SHB: variants seen among roughly 807,000 people sequenced by gnomAD.
SHB encodes the protein SH2 domain-containing adapter protein B.
SHB carries 20 observed loss-of-function variants against 52.3 expected under a neutral mutation model. The observed-to-expected ratio is 0.38, with a 90% CI of 0.27 to 0.56. The LOEUF (loss-of-function observed/expected upper bound fraction) is 0.56, where lower values mean the gene tolerates loss of function less well. Among genes scored for constraint, SHB ranks in the 20% least tolerant of loss-of-function variants. The pLI is 0.71. For missense variants in SHB, 825 were observed against 723.3 expected (o/e 1.14, Z -1.61); for synonymous variants, 397 against 316.5 (o/e 1.25, Z -2.70).
intron 2 of SHB, among the ~76,000 whole-genome samples, chr9:37,982,515 G>A (rs935980214): frequency 1.3e-5 from 2 of 151,802 alleles, no homozygotes; most frequent in African/African-American, 2.4e-5. Flanking sequence ...TAAGTAGGCC[G>A]GGTGCAGTGG....
At chr9:38,030,708 A>AT (rs1295191180) in intron 1 of SHB, among the ~76,000 whole-genome samples, 2 of 152,050 alleles carry the variant, frequency 1.3e-5, no homozygotes, top group Non-Finnish European at 2.9e-5. Context: ...TCACATTCTT[A>AT]TTTTTTGTGG....
intron 3 of SHB, among the ~76,000 whole-genome samples, chr9:37,969,890 CG>C (rs1251730250): frequency 6.6e-6 from 1 of 152,150 alleles, no homozygotes; most frequent in Non-Finnish European, 1.5e-5. Context: ...CTGCACCTGG[CG>C]GGGGTGGGTT....
At chr9:37,955,821 AAG>A in intron 4 of SHB, 60 bp downstream of exon 4, 1 of 1,515,166 alleles carries the variant, frequency 6.6e-7, no homozygotes, top group Non-Finnish European at 9.1e-7. Flanking sequence ...GATGACATGA[AAG>A]AGAGGGCAAA....
At chr9:37,944,631 C>T (rs1219379275) in intron 5 of SHB, among the ~76,000 whole-genome samples, 1 of 152,134 alleles carries the variant, frequency 6.6e-6, no homozygotes, top group Non-Finnish European at 1.5e-5. Context: ...GAAAATGCCT[C>T]GCAGGACCTT....
intron 5 of SHB, among the ~76,000 whole-genome samples, chr9:37,935,322 C>T (rs11790550): frequency 0.12 from 17,665 of 152,120 alleles, 1,019 homozygotes; most frequent in South Asian, 0.15. Flanking sequence ...AAAGCCTGCC[C>T]GGCACCGTGC....
intron 4 of SHB, among the ~76,000 whole-genome samples, chr9:37,954,740 C>T (rs1157388180): frequency 2.0e-5 from 3 of 152,190 alleles, no homozygotes; most frequent in Non-Finnish European, 4.4e-5. Context: ...AAACTGAAAA[C>T]ATAGTTTGCA....
intron 1 of SHB, among the ~76,000 whole-genome samples, chr9:38,037,491 T>C (rs1821503444): frequency 1.3e-5 from 2 of 152,168 alleles, no homozygotes; most frequent in African/African-American, 4.8e-5. Context: ...GCTCGGCACA[T>C]GAGAACATGA....
intron 3 of SHB, among the ~76,000 whole-genome samples, chr9:37,958,982 C>G (rs1406173396): frequency 6.6e-6 from 1 of 152,192 alleles, no homozygotes; most frequent in Non-Finnish European, 1.5e-5. Context: ...AAATTGGGGC[C>G]ATGTCATCCT....
chr9:37,929,252 G>A (rs1479323225), intron 5 of SHB, among the ~76,000 whole-genome samples: 3 of 152,230 alleles, frequency 2.0e-5, no homozygotes, highest in South Asian at 2.1e-4. Flanking sequence ...CGGAGGTGCC[G>A]CCGAGTATGC....
At chr9:37,949,573 C>G (rs1193323971) in intron 4 of SHB, among the ~76,000 whole-genome samples, 1 of 152,178 alleles carries the variant, frequency 6.6e-6, no homozygotes, top group Non-Finnish European at 1.5e-5. Flanking sequence ...ATTCTGGAAA[C>G]AGCTAGGGGC....
At chr9:37,993,670 A>T (rs1235532762) in intron 2 of SHB, among the ~76,000 whole-genome samples, 2 of 145,638 alleles carry the variant, frequency 1.4e-5, no homozygotes, top group Non-Finnish European at 3.0e-5. Flanking sequence ...ATTCTCCCTT[A>T]AAAAAAAAAA....
rs762364208 is a variant in SHB at position 37,917,326 on chromosome 9, G to A, written c.*2495C>T. On this transcript the variant is annotated 3_prime_UTR_variant, in exon 6 of 6. Transcript: ENST00000377707. ...CCTCCCAGGGAAACTTCAGGAAGAC[G>A]AAGGCCAGGGACAGAGGGAGGGTCC... Among the ~76,000 whole-genome samples, 3 of 152,246 alleles carry A rather than the reference G, an allele frequency of 2.0e-5. No individual in the cohort carries two copies. Among genetic ancestry groups the A allele is most frequent in the African/African-American group, 4.8e-5 (2 of 41,554 alleles).
intron 1 of SHB, among the ~76,000 whole-genome samples, chr9:38,039,583 G>A (rs1262545457): frequency 2.6e-5 from 4 of 152,264 alleles, no homozygotes; most frequent in African/African-American, 9.6e-5. Context: ...GCCATCTACA[G>A]AGCAGAGGTT....
intron 2 of SHB, among the ~76,000 whole-genome samples, chr9:38,000,154 A>G (rs546415156): frequency 6.6e-6 from 1 of 152,332 alleles, no homozygotes; most frequent in African/African-American, 2.4e-5. Flanking sequence ...GTGGAGAGAG[A>G]AAAGAGAGGG....
At chr9:37,935,719 G>A (rs186890523) in intron 5 of SHB, among the ~76,000 whole-genome samples, 2 of 152,254 alleles carry the variant, frequency 1.3e-5, no homozygotes, top group East Asian at 3.9e-4. Flanking sequence ...GCAGAATCGA[G>A]ATCTGAACCA....
chr9:37,996,963 A>C (rs757499166), intron 2 of SHB, among the ~76,000 whole-genome samples: 9 of 152,188 alleles, frequency 5.9e-5, no homozygotes, highest in Non-Finnish European at 1.0e-4. Context: ...TATGTGATCA[A>C]TCTGTGTGTC....
At position 37,919,087 on chromosome 9, in the gene SHB, C is replaced by G. The variant is rs1832141880; in HGVS notation, c.*734G>C. 6.6e-6 allele frequency: 1 copy of G among 152,614 alleles called. No homozygotes were observed. The highest frequency in any genetic ancestry group is 2.1e-4 in the South Asian group (1 of 4,834). 9.5% of individuals were successfully genotyped at this position (152,614 alleles called of 1,614,324 possible). On this transcript the variant is annotated 3_prime_UTR_variant, in exon 6 of 6. Coordinates refer to ENST00000377707, the MANE Select transcript of SHB (RefSeq NM_003028.3). ...TGCTCTGGGAGTGAAACCAGAACTGCCCCCTCAGAGACCCTCTGCAGTATA... is the reference window on the plus strand; with the variant it reads ...TGCTCTGGGAGTGAAACCAGAACTGGCCCCTCAGAGACCCTCTGCAGTATA...
rs932515779 is a variant in SHB, at chr9:37,944,659, C to T, written c.1346+3976G>A. Among the ~76,000 whole-genome samples the T allele has an allele frequency of 3.3e-5, 5 of 152,160 alleles. No homozygotes were observed. The South Asian group carries it at 6.2e-4, about 19-fold the overall frequency. ...AGGACCTTGGTGAGTGCAACCTGCACGTCAGTGGCCCCATCACTGAGAACT... is the reference window on the plus strand; with the variant it reads ...AGGACCTTGGTGAGTGCAACCTGCATGTCAGTGGCCCCATCACTGAGAACT... On this transcript the variant is annotated intron_variant, in intron 5 of 5. Coordinates refer to ENST00000377707, the MANE Select transcript of SHB (RefSeq NM_003028.3).
At chr9:38,038,825 G>A (rs943647542) in intron 1 of SHB, among the ~76,000 whole-genome samples, 7 of 152,124 alleles carry the variant, frequency 4.6e-5, no homozygotes, top group Non-Finnish European at 1.0e-4. Context: ...GAGTGACAGT[G>A]GGCAGGGGCC....
Sources: gnomAD v4.1 joint callset for allele counts (sites outside exome capture counted in the v4.1 genomes callset) on GRCh38, gnomAD v4.1.1 for gene constraint, MANE v1.5 for transcripts, NCBI Gene and HGNC (gene_info 2026-07-23, HGNC 2026-07-21) for gene names.